Variants in NPAS3 observed in about 807,000 individuals in gnomAD.
NPAS3 encodes neuronal PAS domain protein 3.
A neutral mutation model predicts 73.1 loss-of-function variants in NPAS3; 14 were observed. That is an observed-to-expected ratio of 0.19 (90% CI 0.13 to 0.30). NPAS3 has a LOEUF of 0.30. Among genes scored for constraint, NPAS3 ranks in the 10% least tolerant of loss-of-function variants. NPAS3 has a pLI of 1.00. For synonymous variants in NPAS3, 620 were observed against 541.5 expected, an observed-to-expected ratio of 1.14 and a Z score of -2.01; for missense variants, 1,096 against 1,250.0, an observed-to-expected ratio of 0.88 and a Z score of 1.86.
In NPAS3 at chr14:33,543,997, ATATATC is replaced by A. The variant is rs1336636713; in HGVS notation, c.469-16117_469-16112del. Among the ~76,000 whole-genome samples the A allele has an allele frequency of 5.6e-3, 349 of 61,824 alleles. 3 individuals carry two copies. Among genetic ancestry groups the A allele is most frequent in the Middle Eastern group, 0.011 (1 of 94 alleles). The allele number at this position is 61,824 out of a possible 152,430, so 40.6% of individuals were successfully genotyped here. A position where few individuals can be genotyped will look rare whatever the true frequency, so the allele number is the denominator to read the frequency against. The stretch of plus-strand genomic sequence containing the variant: ...TATATATATATATATATATATATAT[ATATATC>A]TATATCAGGAATAGGTGCTGAGGAT... On this transcript the variant is annotated intron_variant, in intron 4 of 11. Transcript: ENST00000356141.
At chr14:33,098,409 A>G (rs543979431) in intron 2 of NPAS3, among the ~76,000 whole-genome samples, 17 of 152,350 alleles carry the variant, frequency 1.1e-4, no homozygotes, top group African/African-American at 4.1e-4. Flanking sequence ...AATGATGATG[A>G]CAATGGTGAA....
At chr14:33,610,599 G>T (rs2057720396) in intron 5 of NPAS3, among the ~76,000 whole-genome samples, 1 of 152,032 alleles carries the variant, frequency 6.6e-6, no homozygotes, top group Admixed American at 6.6e-5. Context: ...TGAAACTCTT[G>T]GTTGTTCATG....
intron 3 of NPAS3, among the ~76,000 whole-genome samples, chr14:33,290,578 T>A (rs539564432): frequency 3.3e-5 from 5 of 152,354 alleles, no homozygotes; most frequent in African/African-American, 1.2e-4. Flanking sequence ...TCTCAGCAGT[T>A]GCATTTCCTT....
At chr14:33,473,376 G>C (rs2050875337) in intron 4 of NPAS3, among the ~76,000 whole-genome samples, 1 of 152,194 alleles carries the variant, frequency 6.6e-6, no homozygotes, top group African/African-American at 2.4e-5. Context: ...AAAGATGCTG[G>C]AGGAAAGAAG....
intron 4 of NPAS3, among the ~76,000 whole-genome samples, chr14:33,372,572 C>T (rs751364862): frequency 2.0e-5 from 3 of 152,190 alleles, no homozygotes; most frequent in Non-Finnish European, 4.4e-5. Context: ...ACAAAGCAGT[C>T]TCACCACTGA....
At chr14:33,683,418 T>C (rs563486136) in intron 6 of NPAS3, among the ~76,000 whole-genome samples, 4 of 111,748 alleles carry the variant, frequency 3.6e-5, no homozygotes, top group African/African-American at 1.5e-4. Context: ...GACCTGTTTT[T>C]CCTCATTTCA....
intron 1 of NPAS3, among the ~76,000 whole-genome samples, chr14:32,989,565 A>AC (rs1159511423): frequency 6.6e-6 from 1 of 151,496 alleles, no homozygotes; most frequent in African/African-American, 2.4e-5. Context: ...AATGGCGTGA[A>AC]CCCCAGGGGG....
intron 3 of NPAS3, among the ~76,000 whole-genome samples, chr14:33,336,191 C>G (rs2140295252): frequency 6.6e-6 from 1 of 152,272 alleles, no homozygotes; most frequent in South Asian, 2.1e-4. Flanking sequence ...CAAATTACCA[C>G]AAACATAGCA....
At chr14:33,303,349 T>TA (rs1246167665) in intron 3 of NPAS3, among the ~76,000 whole-genome samples, 11 of 152,080 alleles carry the variant, frequency 7.2e-5, no homozygotes, top group African/African-American at 7.2e-5. Flanking sequence ...TAACCTACTT[T>TA]AAAAAATCTA....
At chr14:33,275,299 A>G (rs1426086473) in intron 3 of NPAS3, among the ~76,000 whole-genome samples, 6 of 152,186 alleles carry the variant, frequency 3.9e-5, no homozygotes, top group African/African-American at 7.2e-5. Flanking sequence ...ATCCAGCCCA[A>G]TTTTAACAGT....
At chr14:33,169,529 C>T (rs1391616573) in intron 2 of NPAS3, among the ~76,000 whole-genome samples, 3 of 152,208 alleles carry the variant, frequency 2.0e-5, no homozygotes, top group Admixed American at 6.5e-5. Flanking sequence ...GATCATGCCA[C>T]TGTACTCCAG....
At chr14:33,414,266 C>G (rs1045872723) in intron 4 of NPAS3, among the ~76,000 whole-genome samples, 1 of 152,048 alleles carries the variant, frequency 6.6e-6, no homozygotes, top group African/African-American at 2.4e-5. Flanking sequence ...CACTGTGAGT[C>G]AGCAAAATAT....
At chr14:33,760,434 G>A (rs562375024) in intron 7 of NPAS3, among the ~76,000 whole-genome samples, 2 of 152,248 alleles carry the variant, frequency 1.3e-5, no homozygotes, top group South Asian at 2.1e-4. Flanking sequence ...ACTTTGGAAC[G>A]AATGAAATTA....
At chr14:33,199,332 G>A (rs931905552) in intron 2 of NPAS3, among the ~76,000 whole-genome samples, 4 of 152,156 alleles carry the variant, frequency 2.6e-5, no homozygotes, top group Non-Finnish European at 4.4e-5. Context: ...TTCTGATTAC[G>A]CATAGACACA....
At chr14:33,178,294 C>T (rs1434995102) in intron 2 of NPAS3, among the ~76,000 whole-genome samples, 2 of 151,836 alleles carry the variant, frequency 1.3e-5, no homozygotes, top group South Asian at 2.1e-4. Flanking sequence ...AGGATGGTCT[C>T]GATCTCTTGA....
chr14:33,338,569 C>T (rs1430612547), intron 3 of NPAS3, among the ~76,000 whole-genome samples: 1 of 152,108 alleles, frequency 6.6e-6, no homozygotes, highest in Non-Finnish European at 1.5e-5. Flanking sequence ...AATTTAGTTG[C>T]TAGCTAGCTG....
chr14:33,783,030 A>G (rs1285321245), intron 9 of NPAS3, among the ~76,000 whole-genome samples: 2 of 152,206 alleles, frequency 1.3e-5, no homozygotes, highest in Non-Finnish European at 2.9e-5. Flanking sequence ...ATCCCCTTCC[A>G]GTCTGCAGGC....
At chr14:33,291,910 A>G (rs2042114206) in intron 3 of NPAS3, among the ~76,000 whole-genome samples, 1 of 152,232 alleles carries the variant, frequency 6.6e-6, no homozygotes, top group South Asian at 2.1e-4. Flanking sequence ...CCAGGGGATC[A>G]AAGCCATTCC....
At chr14:33,704,762 G>A (rs562720981) in intron 6 of NPAS3, among the ~76,000 whole-genome samples, 3 of 152,290 alleles carry the variant, frequency 2.0e-5, no homozygotes, top group East Asian at 1.9e-4. Flanking sequence ...GGGAGAGAGC[G>A]GCTTGACGTG....
Sources: gnomAD v4.1 joint callset for allele counts (sites outside exome capture counted in the v4.1 genomes callset) on GRCh38, gnomAD v4.1.1 for gene constraint, MANE v1.5 for transcripts, NCBI Gene and HGNC (gene_info 2026-07-23, HGNC 2026-07-21) for gene names.